The following LEF1 variants were observed in gnomAD, a reference collection of about 807,000 sequenced individuals.
LEF1 encodes the protein lymphoid enhancer-binding factor 1.
Under a neutral mutation model 51.2 loss-of-function variants are expected in LEF1, and 14 were observed. The ratio of observed to expected loss-of-function variants is 0.27; its 90% confidence interval spans 0.18 to 0.43. LEF1 has a LOEUF of 0.43. Ranked by LOEUF, LEF1 falls within the 20% of genes least tolerant of loss-of-function variation. The pLI is 1.00. For synonymous variants in LEF1, 185 were observed against 183.2 expected, an observed-to-expected ratio of 1.01 and a Z score of -0.08; for missense variants, 386 against 512.0, an observed-to-expected ratio of 0.75 and a Z score of 2.37.
chr4:108,082,019 C>T (rs1032630900), intron 5 of LEF1, among the ~76,000 whole-genome samples: 42 of 152,112 alleles, frequency 2.8e-4, no homozygotes, highest in Non-Finnish European at 8.8e-5. Flanking sequence ...GAAATATTCC[C>T]TTCAGAGAAG....
rs746813024 is a variant in LEF1 at position 108,149,509 on chromosome 4, T to C, written c.414+14059A>G. Among the ~76,000 whole-genome samples the C allele has an allele frequency of 3.3e-4, 48 of 147,246 alleles. 1 individual carries two copies. The highest frequency in any genetic ancestry group is 5.3e-4 in the Non-Finnish European group (35 of 66,628). ...TAAATATATTTTTAACACGGTTTCA[T>C]TGTAGTGGTATTTAAAATAACAACA... is the stretch of plus-strand genomic sequence containing the variant. On this transcript the variant is annotated intron_variant, in intron 3 of 11. Coordinates refer to ENST00000265165, the MANE Select transcript of LEF1 (RefSeq NM_016269.5).
intron 3 of LEF1, among the ~76,000 whole-genome samples, chr4:108,156,790 G>T (rs970820005): frequency 6.6e-6 from 1 of 151,830 alleles, no homozygotes; most frequent in Non-Finnish European, 1.5e-5. Flanking sequence ...GTTATTGCTT[G>T]TAAGTGTGAG....
At position 108,083,228 on chromosome 4, in the gene LEF1, C is replaced by T. The variant is rs1272830524; in HGVS notation, c.638+128G>A. 11 of 722,318 alleles carry T rather than the reference C, an allele frequency of 1.5e-5. No individual in the cohort carries two copies. The Admixed American group carries it at 1.9e-4, about 12-fold the overall frequency. 44.7% of individuals were successfully genotyped at this position (722,318 alleles called of 1,614,324 possible). ...TAAATTGAAATGAATAAAGTTAGCA[C>T]CTTGCTTGTTGATGTGAAATTTCTT... is the stretch of plus-strand genomic sequence containing the variant. On this transcript the variant is annotated intron_variant, in intron 5 of 11. Coordinates refer to ENST00000265165, the MANE Select transcript of LEF1 (RefSeq NM_016269.5).
At chr4:108,164,987 A>T in intron 2 of LEF1, 110 bp downstream of exon 2, 2 of 826,200 alleles carry the variant, frequency 2.4e-6, no homozygotes, top group Non-Finnish European at 4.1e-6. Flanking sequence ...TAGTGGGCAT[A>T]GTCTGACCTA....
chr4:108,069,552 T>G (rs1738315280), intron 9 of LEF1, among the ~76,000 whole-genome samples: 1 of 152,186 alleles, frequency 6.6e-6, no homozygotes, highest in Admixed American at 6.5e-5. Context: ...GAAAAAAGAT[T>G]TTTTTACCCA....
intron 3 of LEF1, among the ~76,000 whole-genome samples, chr4:108,139,312 A>C (rs1267098408): frequency 2.0e-5 from 3 of 152,266 alleles, no homozygotes; most frequent in Non-Finnish European, 4.4e-5. Context: ...CAAAACAATG[A>C]ATCATCTGAA....
Position 108,167,537 on chromosome 4 carries a change from G to T in LEF1, c.213+18C>A. On this transcript the variant is annotated intron_variant, in intron 1 of 11. Coordinates refer to ENST00000265165, the MANE Select transcript of LEF1 (RefSeq NM_016269.5). This position sits in a 1 kb window ranked among gnomAD's most constrained non-coding sequence, Gnocchi z 5.7. ...GGACCCGCCACGCCTCTCGGAACTG[G>T]GGCAGCGGCCCGCTCACCTCGTGTC... The T allele has an allele frequency of 6.2e-7, 1 of 1,612,820 alleles. No individual in the cohort carries two copies. Among genetic ancestry groups the T allele is most frequent in the Non-Finnish European group, 8.5e-7 (1 of 1,179,220 alleles).
chr4:108,096,155 C>T (rs1740379741), intron 3 of LEF1, among the ~76,000 whole-genome samples: 2 of 152,048 alleles, frequency 1.3e-5, no homozygotes, highest in East Asian at 1.9e-4. Context: ...TAAGGCATTA[C>T]AGTGGTTGAT....
intron 5 of LEF1, chr4:108,083,123 A>T: frequency 1.9e-6 from 1 of 532,384 alleles, no homozygotes; most frequent in South Asian, 2.1e-5. Flanking sequence ...ATAAGCTTCA[A>T]AGCAAATGCT....
intron 3 of LEF1, among the ~76,000 whole-genome samples, chr4:108,152,038 A>C (rs1744387179): frequency 6.6e-6 from 1 of 152,220 alleles, no homozygotes; most frequent in South Asian, 2.1e-4. Context: ...TCAATGAGAA[A>C]TACAAACACA....
intron 3 of LEF1, among the ~76,000 whole-genome samples, chr4:108,116,227 A>G (rs2110325084): frequency 1.3e-5 from 2 of 152,308 alleles, no homozygotes; most frequent in South Asian, 4.1e-4. Flanking sequence ...GTAAGCAAGA[A>G]AAAAGGGTGC....
At chr4:108,070,034 T>C (rs1033222593) in intron 9 of LEF1, among the ~76,000 whole-genome samples, 8 of 150,792 alleles carry the variant, frequency 5.3e-5, no homozygotes, top group Non-Finnish European at 1.0e-4. Context: ...TCAACATAAA[T>C]AATAGCCCTA....
At chr4:108,159,822 A>C (rs1203730539) in intron 3 of LEF1, among the ~76,000 whole-genome samples, 1 of 152,220 alleles carries the variant, frequency 6.6e-6, no homozygotes, top group Admixed American at 6.5e-5. Context: ...CTCATGGAAC[A>C]TTTTCATAGC....
intron 3 of LEF1, among the ~76,000 whole-genome samples, chr4:108,096,639 G>A (rs1740414568): frequency 6.6e-6 from 1 of 152,086 alleles, no homozygotes; most frequent in African/African-American, 2.4e-5. Context: ...AATAGTCAAC[G>A]ATGTGAGGAG....
In LEF1 at chr4:108,168,278, G is replaced by C. The variant is rs765086286; in HGVS notation, c.-511C>G. On this transcript the variant is annotated 5_prime_UTR_variant, in exon 1 of 12. Transcript: ENST00000265165. This position sits in a 1 kb window ranked among gnomAD's most constrained non-coding sequence, Gnocchi z 4.6. ...TAGTAGTTTGTTTTCCGAGAAAAGA[G>C]AGGGGATCTGGGCAGAAGGGCCCCG... 17 of 152,502 alleles carry C rather than the reference G, an allele frequency of 1.1e-4. No homozygotes were observed. The highest frequency in any genetic ancestry group is 3.1e-4 in the African/African-American group (13 of 41,476). 9.4% of individuals were successfully genotyped at this position (152,502 alleles called of 1,614,324 possible).
chr4:108,125,892 G>T (rs1742497718), intron 3 of LEF1, among the ~76,000 whole-genome samples: 1 of 152,078 alleles, frequency 6.6e-6, no homozygotes, highest in Non-Finnish European at 1.5e-5. Context: ...AAAACTCTAA[G>T]TTCGAAAAGT....
chr4:108,149,396 T>C (rs1455730664), intron 3 of LEF1, among the ~76,000 whole-genome samples: 116 of 140,160 alleles, frequency 8.3e-4, no homozygotes, highest in African/African-American at 3.0e-3. Context: ...GAGGCGGAGC[T>C]TGCAGTGAGC....
chr4:108,161,237 A>C lies in LEF1; in HGVS notation c.414+2331T>G, dbSNP rs531068768. Among the ~76,000 whole-genome samples, 3 of 152,058 alleles carry C rather than the reference A, an allele frequency of 2.0e-5. No individual in the cohort carries two copies. The South Asian group carries it at 6.2e-4, about 32-fold the overall frequency. On this transcript the variant is annotated intron_variant, in intron 3 of 11. Transcript: ENST00000265165. Reference sequence around the variant, plus strand: ...TAGGTATTAAAAACCAAAGATTGTAACTCACTTCGGTTGGACCCTAAAAAA... The same window carrying C: ...TAGGTATTAAAAACCAAAGATTGTACCTCACTTCGGTTGGACCCTAAAAAA...
chr4:108,048,156 A>C lies in LEF1; in HGVS notation c.*602T>G, dbSNP rs1325372742. 2 of 152,652 alleles carry C rather than the reference A, an allele frequency of 1.3e-5. No homozygotes were observed. The highest frequency in any genetic ancestry group is 2.9e-5 in the Non-Finnish European group (2 of 68,052). 9.5% of individuals were successfully genotyped at this position (152,652 alleles called of 1,614,324 possible). ...TAGCAAAATATACAAGAAAATTAAA[A>C]CTAAAAAGTGTAAATTAAAAAAATT... is the stretch of plus-strand genomic sequence containing the variant. On this transcript the variant is annotated 3_prime_UTR_variant, in exon 12 of 12. Coordinates refer to ENST00000265165, the MANE Select transcript of LEF1 (RefSeq NM_016269.5).
Sources: gnomAD v4.1 joint callset for allele counts (sites outside exome capture counted in the v4.1 genomes callset) on GRCh38, gnomAD v4.1.1 for gene constraint, Gnocchi (gnomAD v3.1) non-coding constraint, MANE v1.5 for transcripts, NCBI Gene and HGNC (gene_info 2026-07-23, HGNC 2026-07-21) for gene names.